SH3KBP1: variants seen among roughly 807,000 people sequenced by gnomAD.
SH3KBP1 encodes the protein SH3 domain containing kinase binding protein 1.
A neutral mutation model predicts 50.1 loss-of-function variants in SH3KBP1; 8 were observed. The ratio of observed to expected loss-of-function variants is 0.16; its 90% CI spans 0.09 to 0.29. SH3KBP1 has a LOEUF of 0.29. Among genes scored for constraint, SH3KBP1 ranks in the 10% least tolerant of loss-of-function variants. SH3KBP1 has a pLI of 1.00. For missense variants in SH3KBP1, 377 were observed against 535.2 expected, an observed-to-expected ratio of 0.70 and a Z score of 2.92; for synonymous variants, 227 against 218.6, an observed-to-expected ratio of 1.04 and a Z score of -0.34.
At chrX:19,598,092 T>C (rs896920123) in intron 9 of SH3KBP1, among the ~76,000 whole-genome samples, 2 of 112,328 alleles carry the variant, frequency 1.8e-5, no homozygotes, top group African/African-American at 6.5e-5. Flanking sequence ...TGCAGCTTCT[T>C]CACTTCTCTC....
intron 12 of SH3KBP1, among the ~76,000 whole-genome samples, chrX:19,572,423 T>C (rs1039348028): frequency 3.7e-5 from 4 of 106,887 alleles, no homozygotes; most frequent in Non-Finnish European, 7.6e-5. Flanking sequence ...ACATGTTATA[T>C]AGTACATATA....
At chrX:19,554,767 C>T (rs895550145) in intron 13 of SH3KBP1, among the ~76,000 whole-genome samples, 5 of 112,183 alleles carry the variant, frequency 4.5e-5, no homozygotes, top group South Asian at 3.6e-4. Flanking sequence ...TTTTTGGAAA[C>T]AGCTACCAAA....
intron 3 of SH3KBP1, among the ~76,000 whole-genome samples, chrX:19,737,473 T>G (rs1231140238): frequency 8.9e-6 from 1 of 111,775 alleles, no homozygotes; most frequent in Non-Finnish European, 1.9e-5. Context: ...TTACTTGAAC[T>G]CAAATGCCAG....
chrX:19,723,727 A>C (rs1203100701), intron 3 of SH3KBP1, among the ~76,000 whole-genome samples: 1 of 112,186 alleles, frequency 8.9e-6, no homozygotes, highest in Non-Finnish European at 1.9e-5. Flanking sequence ...AAGTCTAAGA[A>C]AAGTTAGGAT....
chrX:19,832,935 C>T (rs1037569159), intron 2 of SH3KBP1, among the ~76,000 whole-genome samples: 5 of 112,613 alleles, frequency 4.4e-5, no homozygotes, highest in East Asian at 2.8e-4. Flanking sequence ...TCACTGACAG[C>T]GCGCCAGCCC....
chrX:19,580,678 C>T (rs1290357341), intron 12 of SH3KBP1, among the ~76,000 whole-genome samples: 2 of 111,573 alleles, frequency 1.8e-5, no homozygotes, highest in Non-Finnish European at 3.8e-5. Context: ...CCTAAACACC[C>T]GTGATTCGGA....
chrX:19,720,411 A>G (rs1160347870), intron 3 of SH3KBP1, among the ~76,000 whole-genome samples: 1 of 111,592 alleles, frequency 9.0e-6, no homozygotes, highest in Non-Finnish European at 1.9e-5. Flanking sequence ...CGTAAAGCAC[A>G]CTGCTTTTCC....
At chrX:19,771,704 AACTAC>A (rs929900383) in intron 2 of SH3KBP1, among the ~76,000 whole-genome samples, 8 of 109,535 alleles carry the variant, frequency 7.3e-5, no homozygotes, top group African/African-American at 2.7e-4. Flanking sequence ...TCTCTACTAA[AACTAC>A]AGAAATTAGC....
chrX:19,875,372 A>T (rs777706605), intron 1 of SH3KBP1, among the ~76,000 whole-genome samples: 3 of 111,902 alleles, frequency 2.7e-5, no homozygotes, highest in African/African-American at 9.7e-5. Context: ...CATAGAAGGG[A>T]CTCTGTGAGG....
intron 2 of SH3KBP1, among the ~76,000 whole-genome samples, chrX:19,773,464 CTCTG>C (rs2065850536): frequency 9.8e-6 from 1 of 102,552 alleles, no homozygotes. Context: ...GCAATTCAGT[CTCTG>C]TCTCTCTCTC....
chrX:19,546,072 G>A (rs2065073668), intron 14 of SH3KBP1, 22 bp from the exon 15 acceptor site: 2 of 1,208,746 alleles, frequency 1.7e-6, no homozygotes, highest in Admixed American at 4.3e-5. Flanking sequence ...AAAAGAAAAT[G>A]CTTTTGTCAG....
chrX:19,643,310 T>TTTTTTG (rs2061910775), intron 7 of SH3KBP1, among the ~76,000 whole-genome samples: 1 of 87,644 alleles, frequency 1.1e-5, no homozygotes, highest in African/African-American at 6.4e-5. Flanking sequence ...ATTTTTTATT[T>TTTTTTG]TTTTTTTTTT....
intron 14 of SH3KBP1, among the ~76,000 whole-genome samples, chrX:19,549,261 T>TA (rs539951765): frequency 0.017 from 1,892 of 111,838 alleles, 15 homozygotes; most frequent in Middle Eastern, 0.055. Flanking sequence ...AATTTTTTTT[T>TA]AAAAAGCTAA....
intron 12 of SH3KBP1, among the ~76,000 whole-genome samples, chrX:19,582,369 G>C (rs1363423146): frequency 9.0e-6 from 1 of 111,679 alleles, no homozygotes; most frequent in East Asian, 2.8e-4. Context: ...GTAGAACACT[G>C]GCCTCCCTGA....
rs955257988 is a variant in SH3KBP1 at position 19,534,089 on chromosome X, C to T, written c.*2328G>A. The T allele has an allele frequency of 9.1e-6, 1 of 109,538 alleles. No individual in the cohort carries two copies. Among genetic ancestry groups the T allele is most frequent in the African/African-American group, 3.4e-5 (1 of 29,839 alleles). 9.0% of individuals were successfully genotyped at this position (109,538 alleles called of 1,213,427 possible). ...AAAATAATCTCCATAGATGCCTGGTCGAGTCCATGCTGAATGCAAAATAAT... is the reference window on the plus strand; with the variant it reads ...AAAATAATCTCCATAGATGCCTGGTTGAGTCCATGCTGAATGCAAAATAAT... On this transcript the variant is annotated 3_prime_UTR_variant, in exon 18 of 18. Coordinates refer to ENST00000397821, the MANE Select transcript of SH3KBP1 (RefSeq NM_031892.3).
intron 3 of SH3KBP1, among the ~76,000 whole-genome samples, chrX:19,739,209 G>T (rs1371177333): frequency 9.1e-6 from 1 of 110,492 alleles, no homozygotes; most frequent in Admixed American, 9.7e-5. Flanking sequence ...GAGAATAAAA[G>T]ACATTTTTAT....
chrX:19,581,489 T>A (rs1444259505), intron 12 of SH3KBP1, among the ~76,000 whole-genome samples: 2 of 111,984 alleles, frequency 1.8e-5, no homozygotes, highest in African/African-American at 3.3e-5. Context: ...TCCTCTTTTT[T>A]GATTAATGGA....
At position 19,880,328 on chromosome X, in the gene SH3KBP1, G is replaced by A. The variant is rs912972108; in HGVS notation, c.4+6979C>T. 9.8e-5 allele frequency among the ~76,000 whole-genome samples: 11 copies of A among 112,333 alleles called. No individual in the cohort carries two copies. The East Asian group carries it at 1.4e-3, about 14-fold the overall frequency. The stretch of plus-strand genomic sequence containing the variant: ...TCGTGGAGAATTGCAAGTTGTAACC[G>A]TATTTGGGTGAAAGGGTTACATGTT... On this transcript the variant is annotated intron_variant, in intron 1 of 17. Coordinates refer to ENST00000397821, the MANE Select transcript of SH3KBP1 (RefSeq NM_031892.3).
intron 2 of SH3KBP1, among the ~76,000 whole-genome samples, chrX:19,831,765 T>TCAA (rs1425244372): frequency 3.7e-5 from 2 of 53,384 alleles, no homozygotes; most frequent in East Asian, 1.2e-3. Flanking sequence ...CACTCCAGCC[T>TCAA]CAACAACAAG....
Sources: allele counts gnomAD v4.1 joint callset (sites outside exome capture counted in the v4.1 genomes callset), GRCh38; gene constraint gnomAD v4.1.1; transcripts MANE v1.5; gene names NCBI Gene and HGNC (gene_info 2026-07-23, HGNC 2026-07-21).